The following CPSF4 variants were observed in gnomAD, a reference collection of about 807,000 sequenced individuals.
The protein encoded by CPSF4 is cleavage and polyadenylation specific factor 4, also known as cleavage and polyadenylation specificity factor subunit 4.
CPSF4 carries 11 observed loss-of-function variants against 37.7 expected under a neutral mutation model. The observed-to-expected ratio is 0.29, with a 90% CI of 0.18 to 0.48. The LOEUF is 0.48. Ranked by LOEUF, CPSF4 falls within the 20% of genes least tolerant of loss-of-function variation. CPSF4 has a pLI of 0.99. For missense variants in CPSF4, 144 were observed against 359.5 expected (o/e 0.40, Z 4.85); for synonymous variants, 132 against 135.9 (o/e 0.97, Z 0.20).
chr7:99,443,011 C>G, intron 1 of CPSF4: 1 of 1,494,532 alleles, frequency 6.7e-7, no homozygotes, highest in South Asian at 1.1e-5. Flanking sequence ...TTATCATCTT[C>G]AGACTTTCTG....
chr7:99,452,772 G>A (rs547491062), intron 6 of CPSF4: 23 of 287,310 alleles, frequency 8.0e-5, no homozygotes, highest in African/African-American at 2.4e-4. Context: ...CCTGGGCACC[G>A]TGTCTGCTGC....
rs1406517833 is a variant in CPSF4 at position 99,440,672 on chromosome 7, A to ATGTTTTTTTTT, written c.103+1488_103+1489insGTTTTTTTTTT. Among the ~76,000 whole-genome samples, 5 of 81,980 alleles carry ATGTTTTTTTTT rather than the reference A, an allele frequency of 6.1e-5. 1 individual carries two copies. The highest frequency in any genetic ancestry group is 5.3e-4 in the African/African-American group (4 of 7,528). The allele number at this position is 81,980 out of a possible 152,430, so 53.8% of individuals were successfully genotyped here. On this transcript the variant is annotated intron_variant, in intron 1 of 7. Coordinates refer to ENST00000292476, the MANE Select transcript of CPSF4 (RefSeq NM_006693.4). ...GCACCTGGCATATATATATATATAT[A>ATGTTTTTTTTT]TATTTTTTTTTTTTTTTTTTTCCTG...
At chr7:99,450,846 G>C (rs1183463311) in intron 5 of CPSF4, 51 bp downstream of exon 5, 5 of 1,382,896 alleles carry the variant, frequency 3.6e-6, no homozygotes, top group Non-Finnish European at 5.1e-6. Context: ...CCCAGGCCCT[G>C]CTGCCCTCCG....
At chr7:99,445,883 TAAC>T (rs1275788106) in intron 2 of CPSF4, among the ~76,000 whole-genome samples, 1 of 151,524 alleles carries the variant, frequency 6.6e-6, no homozygotes, top group African/African-American at 2.4e-5. Flanking sequence ...GACTCTGTCT[TAAC>T]AAAACAAAAC....
At chr7:99,456,327 T>C (rs1034281291) in intron 7 of CPSF4, 105 bp from the exon 8 acceptor site, 1 of 951,092 alleles carries the variant, frequency 1.1e-6, no homozygotes, top group Admixed American at 1.9e-5. Flanking sequence ...GACTGGGGAC[T>C]TGGTGGATGA....
At chr7:99,452,294 G>A (rs1233037629) in intron 5 of CPSF4, 74 bp from the exon 6 acceptor site, 2 of 1,257,976 alleles carry the variant, frequency 1.6e-6, no homozygotes, top group African/African-American at 3.0e-5. Flanking sequence ...TTAAGAGCAT[G>A]GCCTGGCTTC....
At position 99,438,948 on chromosome 7, in the gene CPSF4, C is replaced by A; in HGVS notation, c.-135C>A. The stretch of plus-strand genomic sequence containing the variant: ...CGCGGGCTCCGGGCGCTCCCGGCAT[C>A]CCTCGGGCGGCGGCGGCGGCGGCGG... On this transcript the variant is annotated 5_prime_UTR_variant, in exon 1 of 8. Coordinates refer to ENST00000292476, the MANE Select transcript of CPSF4 (RefSeq NM_006693.4). 7.4e-7 allele frequency: 1 copy of A among 1,357,866 alleles called. No homozygotes were observed. Among genetic ancestry groups the A allele is most frequent in the Non-Finnish European group, 9.5e-7 (1 of 1,058,046 alleles). 84.1% of individuals were successfully genotyped at this position (1,357,866 alleles called of 1,614,324 possible). A position where few individuals can be genotyped will look rare whatever the true frequency, so the allele number is the denominator to read the frequency against.
Position 99,450,781 on chromosome 7 carries a change from G to C in CPSF4, c.483G>C (p.Ser161=). The C allele has an allele frequency of 2.5e-6, 4 of 1,613,236 alleles. No homozygotes were observed. The highest frequency in any genetic ancestry group is 3.4e-6 in the Non-Finnish European group (4 of 1,179,494). The change falls in exon 5 of 8, where the codon TCG becomes TCC. Residue 161 remains serine, a synonymous_variant. Transcript: ENST00000292476. Reference sequence around the variant, plus strand: ...TGGGATTCTGCCCGGAGGGGCCCTCGTGTAAATTCATGCAGTGAGTAGCCA... The same window carrying C: ...TGGGATTCTGCCCGGAGGGGCCCTCCTGTAAATTCATGCAGTGAGTAGCCA... ...YLVGFCPEGP[S]CKFMHPRFEL... is the part of the protein sequence containing the mutation.
chr7:99,444,754 TCTTTGATTCCTCTC>T, intron 1 of CPSF4, 21 bp from the exon 2 acceptor site: 15 of 1,604,520 alleles, frequency 9.3e-6, no homozygotes, highest in Non-Finnish European at 1.3e-5. Flanking sequence ...AAATTGCACC[TCTTTGATTCCTCTC>T]CTTTTCTCTC....
At chr7:99,441,274 C>A in intron 1 of CPSF4, 1 of 388,724 alleles carries the variant, frequency 2.6e-6, no homozygotes, top group Non-Finnish European at 5.2e-6. Context: ...CTTGATGGCA[C>A]TAGCTTGAGA....
chr7:99,443,273 T>G, intron 1 of CPSF4: 1 of 786,804 alleles, frequency 1.3e-6, no homozygotes, highest in Non-Finnish European at 2.3e-6. Context: ...CATCAACAGT[T>G]TTTTTCAGGG....
chr7:99,443,452 T>G (rs1316855944), intron 1 of CPSF4: 1 of 1,117,630 alleles, frequency 8.9e-7, no homozygotes, highest in Non-Finnish European at 1.4e-6. Flanking sequence ...CTTGCTTTAG[T>G]TTAGCAAGCT....
rs866394207 is a variant in CPSF4, at chr7:99,453,987, C to T, written c.592C>T (p.Gln198Ter). The T allele has an allele frequency of 6.2e-7, 1 of 1,613,928 alleles. No homozygotes were observed. The highest frequency in any genetic ancestry group is 1.3e-5 in the African/African-American group (1 of 74,934). The change falls in exon 7 of 8, where the codon CAA becomes TAA. Residue 198 changes from glutamine to a stop codon, truncating the protein, a stop_gained. Coordinates refer to ENST00000292476, the MANE Select transcript of CPSF4 (RefSeq NM_006693.4). LOFTEE classifies it high-confidence loss of function. The surrounding 1 kb of genome is among the most constrained non-coding windows in gnomAD (Gnocchi z 4.7). Reference protein sequence around the residue: ...PAKQSNNPPLQRSSSLIQLTS... With the variant: ...PAKQSNNPPL ...CCAGCAAAGTAACAATCCGCCATTACAAAGGTCGTCCTCCTTGATCCAGTT... is the reference window on the plus strand; with the variant it reads ...CCAGCAAAGTAACAATCCGCCATTATAAAGGTCGTCCTCCTTGATCCAGTT...
chr7:99,439,293 C>G, intron 1 of CPSF4, 108 bp downstream of exon 1: 2 of 758,292 alleles, frequency 2.6e-6, no homozygotes, highest in Non-Finnish European at 4.1e-6. Flanking sequence ...CCCCGGCTTC[C>G]TCTGGATCCT....
chr7:99,446,731 CT>C (rs1797527582), intron 2 of CPSF4, among the ~76,000 whole-genome samples: 1 of 144,688 alleles, frequency 6.9e-6, no homozygotes, highest in South Asian at 2.1e-4. Flanking sequence ...CCTCAGCCTC[CT>C]CAGTAGCCAG....
At chr7:99,452,513 G>A (rs1736736522) in intron 6 of CPSF4, 73 bp downstream of exon 6, 6 of 1,402,246 alleles carry the variant, frequency 4.3e-6, no homozygotes, top group Admixed American at 1.7e-5. Context: ...TCCCCCAGGG[G>A]TGTGGTCTGC....
At chr7:99,450,215 G>GAAGCC in intron 3 of CPSF4, 61 bp from the exon 4 acceptor site, 1 of 1,332,514 alleles carries the variant, frequency 7.5e-7, no homozygotes, top group Non-Finnish European at 1.1e-6. Context: ...TTCCTTGGAT[G>GAAGCC]AAGCCAAGGT....
In CPSF4 at chr7:99,456,983, C is replaced by A; in HGVS notation, c.*483C>A. 3.8e-6 allele frequency: 1 copy of A among 265,578 alleles called. No individual in the cohort carries two copies. Among genetic ancestry groups the A allele is most frequent in the Non-Finnish European group, 7.5e-6 (1 of 132,742 alleles). 16.5% of individuals were successfully genotyped at this position (265,578 alleles called of 1,614,324 possible). A position where few individuals can be genotyped will look rare whatever the true frequency, so the allele number is the denominator to read the frequency against. On this transcript the variant is annotated 3_prime_UTR_variant, in exon 8 of 8. Coordinates refer to ENST00000292476, the MANE Select transcript of CPSF4 (RefSeq NM_006693.4). ...TATCTGTGATTTGAATGAGGGAGCCCTTTGGGGCAAATTCAGGTGCCCCCA... is the reference window on the plus strand; with the variant it reads ...TATCTGTGATTTGAATGAGGGAGCCATTTGGGGCAAATTCAGGTGCCCCCA...
chr7:99,446,994 T>C lies in CPSF4; in HGVS notation c.155-1127T>C, dbSNP rs547155406. 1.1e-4 allele frequency among the ~76,000 whole-genome samples: 17 copies of C among 151,766 alleles called. No homozygotes were observed. In the South Asian group the frequency reaches 2.5e-3, roughly 22 times the overall value. On this transcript the variant is annotated intron_variant, in intron 2 of 7. Transcript: ENST00000292476. ...TTAGTAGAGACAGGGTTTCATTATG[T>C]TGGCCAGGCTGGTCTCGAACTCCTG...
Sources: allele counts gnomAD v4.1 joint callset (sites outside exome capture counted in the v4.1 genomes callset), GRCh38; gene constraint gnomAD v4.1.1; non-coding constraint Gnocchi (gnomAD v3.1); transcripts MANE v1.5; gene names NCBI Gene and HGNC (gene_info 2026-07-23, HGNC 2026-07-21).